Variants in ASTN1 observed in about 807,000 individuals in gnomAD.
The protein encoded by ASTN1 is astrotactin-1.
A neutral mutation model predicts 140.7 loss-of-function variants in ASTN1; 41 were observed. That is an observed-to-expected ratio of 0.29 (90% CI 0.23 to 0.38). ASTN1 has a LOEUF of 0.38. ASTN1 is among the 10% of genes least tolerant of loss of function. The pLI is 1.00. For missense variants in ASTN1, 1,479 were observed against 1,678.8 expected (o/e 0.88, Z 2.08); for synonymous variants, 640 against 652.2 (o/e 0.98, Z 0.29).
chr1:177,008,465 GAGAGAGAGAGGGAGAGGA>G (rs1558027896), intron 8 of ASTN1, among the ~76,000 whole-genome samples: 2 of 143,570 alleles, frequency 1.4e-5, no homozygotes, highest in Non-Finnish European at 3.1e-5. Context: ...GAGAGGAAGA[GAGAGAGAGAGGGAGAGGA>G]AGAGAGAGAG....
intron 20 of ASTN1, among the ~76,000 whole-genome samples, chr1:176,878,956 G>A (rs761964072): frequency 2.2e-4 from 34 of 152,324 alleles, no homozygotes; most frequent in South Asian, 4.1e-4. Flanking sequence ...GCTCTTGTGC[G>A]TAGGAAGTCC....
intron 16 of ASTN1, among the ~76,000 whole-genome samples, chr1:176,919,227 T>G (rs1288933476): frequency 6.6e-6 from 1 of 152,232 alleles, no homozygotes; most frequent in Non-Finnish European, 1.5e-5. Flanking sequence ...AGATACTCAG[T>G]ACATGTTCAC....
intron 8 of ASTN1, 116 bp downstream of exon 8, chr1:177,014,675 G>T: frequency 2.2e-6 from 2 of 891,532 alleles, no homozygotes; most frequent in Non-Finnish European, 3.5e-6. Context: ...CCCATTTGCT[G>T]TTCAGAATAT....
At chr1:176,989,017 G>C (rs943612451) in intron 8 of ASTN1, among the ~76,000 whole-genome samples, 7 of 152,162 alleles carry the variant, frequency 4.6e-5, no homozygotes, top group African/African-American at 1.7e-4. Flanking sequence ...ATGAACTGTT[G>C]ACAATTATCC....
At chr1:176,875,310 C>T (rs187495624) in intron 21 of ASTN1, among the ~76,000 whole-genome samples, 1 of 152,034 alleles carries the variant, frequency 6.6e-6, no homozygotes, top group Non-Finnish European at 1.5e-5. Flanking sequence ...AGGGAGGGGG[C>T]CGAAGTGCTG....
At chr1:176,897,951 A>G (rs930147313) in intron 16 of ASTN1, among the ~76,000 whole-genome samples, 1 of 152,104 alleles carries the variant, frequency 6.6e-6, no homozygotes, top group African/African-American at 2.4e-5. Context: ...TACCGTGCTC[A>G]TGACAAATGC....
intron 1 of ASTN1, among the ~76,000 whole-genome samples, chr1:177,159,215 C>A (rs1426864253): frequency 2.0e-5 from 3 of 151,830 alleles, no homozygotes; most frequent in Non-Finnish European, 4.4e-5. Context: ...TTGTAAAAAT[C>A]TAAATTTCTG....
At chr1:177,123,665 C>A in intron 1 of ASTN1, among the ~76,000 whole-genome samples, 1 of 152,190 alleles carries the variant, frequency 6.6e-6, no homozygotes. Context: ...CCCTGGGCTA[C>A]TTCTTTATGC....
chr1:176,986,643 A>G (rs778710239), intron 8 of ASTN1, among the ~76,000 whole-genome samples: 3 of 152,070 alleles, frequency 2.0e-5, no homozygotes, highest in Non-Finnish European at 2.9e-5. Flanking sequence ...ATGTGAATTC[A>G]GGAGCCAGAT....
chr1:177,016,858 C>T (rs1352018888), intron 7 of ASTN1, among the ~76,000 whole-genome samples: 1 of 152,184 alleles, frequency 6.6e-6, no homozygotes, highest in Non-Finnish European at 1.5e-5. Flanking sequence ...TATACTTTTC[C>T]TTTCGGGAAA....
intron 1 of ASTN1, among the ~76,000 whole-genome samples, chr1:177,067,662 T>C (rs1678431758): frequency 6.6e-6 from 1 of 152,172 alleles, no homozygotes. Flanking sequence ...TCACTAATTA[T>C]CCTGCAAATC....
At position 176,988,193 on chromosome 1, in the gene ASTN1, C is replaced by T. The variant is rs1221622571; in HGVS notation, c.1524-22956G>A. ...AGGACTGGAGATAAAAATTTGGCAACATAATCATAGAGATCTGGGAGATGG... is the reference window on the plus strand; with the variant it reads ...AGGACTGGAGATAAAAATTTGGCAATATAATCATAGAGATCTGGGAGATGG... On this transcript the variant is annotated intron_variant, in intron 8 of 22. Coordinates refer to ENST00000361833, the MANE Select transcript of ASTN1 (RefSeq NM_004319.3). Among the ~76,000 whole-genome samples the T allele has an allele frequency of 3.3e-5, 5 of 151,128 alleles. No homozygotes were observed. The East Asian group carries it at 9.8e-4, about 30-fold the overall frequency.
At chr1:176,919,688 G>A (rs933265820) in intron 16 of ASTN1, among the ~76,000 whole-genome samples, 2 of 152,192 alleles carry the variant, frequency 1.3e-5, no homozygotes, top group Non-Finnish European at 2.9e-5. Flanking sequence ...AGCTGAAAAT[G>A]CCCCCCAAAC....
In ASTN1 at chr1:176,863,005, G is replaced by A. The variant is rs1490080946; in HGVS notation, c.*1279C>T. On this transcript the variant is annotated 3_prime_UTR_variant, in exon 23 of 23. Transcript: ENST00000361833. ...AGCTAAGGCCATTGCTAGTCAACAG[G>A]GCCTTGCCAGGCTCTTTCTGAAAGG... 4 of 985,348 alleles carry A rather than the reference G, an allele frequency of 4.1e-6. No homozygotes were observed. The highest frequency in any genetic ancestry group is 6.1e-5 in the Admixed American group (1 of 16,266). 61.0% of individuals were successfully genotyped at this position (985,348 alleles called of 1,614,324 possible).
chr1:176,981,429 G>A (rs1673616446), intron 8 of ASTN1: 1 of 152,044 alleles, frequency 6.6e-6, no homozygotes, highest in Non-Finnish European at 1.5e-5. Context: ...TTTGGAAATA[G>A]GGTCTTTGCA....
chr1:176,943,608 G>T (rs1346167417), intron 14 of ASTN1, among the ~76,000 whole-genome samples: 1 of 152,002 alleles, frequency 6.6e-6, no homozygotes, highest in African/African-American at 2.4e-5. Context: ...AATCCCCCAA[G>T]AACTCTAAGC....
intron 15 of ASTN1, among the ~76,000 whole-genome samples, chr1:176,934,570 C>G (rs1411544579): frequency 6.6e-6 from 1 of 151,246 alleles, no homozygotes; most frequent in Non-Finnish European, 1.5e-5. Flanking sequence ...CCAAGTTAAG[C>G]AAAACATTGC....
intron 18 of ASTN1, among the ~76,000 whole-genome samples, chr1:176,884,976 T>C (rs1014992964): frequency 1.3e-5 from 2 of 152,246 alleles, no homozygotes; most frequent in Non-Finnish European, 2.9e-5. Context: ...TCTGCCGTGC[T>C]GGTGGGGGAA....
intron 1 of ASTN1, among the ~76,000 whole-genome samples, chr1:177,160,206 C>T (rs916664788): frequency 1.3e-5 from 2 of 152,180 alleles, no homozygotes; most frequent in South Asian, 2.1e-4. Context: ...ATGATGGATC[C>T]ATCAACTGTT....
Sources: allele counts gnomAD v4.1 joint callset (sites outside exome capture counted in the v4.1 genomes callset), GRCh38; gene constraint gnomAD v4.1.1; transcripts MANE v1.5; gene names NCBI Gene and HGNC (gene_info 2026-07-23, HGNC 2026-07-21).